The following ARHGEF28 variants were observed in gnomAD, a reference collection of about 807,000 sequenced individuals.
ARHGEF28 encodes the protein Rho guanine nucleotide exchange factor 28.
Under a neutral mutation model 206.6 loss-of-function variants are expected in ARHGEF28, and 152 were observed. That is an observed-to-expected ratio of 0.74 (90% confidence interval 0.64 to 0.84). ARHGEF28 has a LOEUF of 0.84. Among genes scored for constraint, ARHGEF28 ranks in the 40% least tolerant of loss-of-function variants. ARHGEF28 has a pLI of 0.00. For missense variants in ARHGEF28, 2,028 were observed against 2,073.2 expected, an observed-to-expected ratio of 0.98 and a Z score of 0.42; for synonymous variants, 763 against 776.4, an observed-to-expected ratio of 0.98 and a Z score of 0.29.
intron 1 of ARHGEF28, among the ~76,000 whole-genome samples, chr5:73,648,218 G>A (rs768773160): frequency 3.3e-5 from 5 of 152,074 alleles, no homozygotes; most frequent in Non-Finnish European, 7.3e-5. Context: ...GGAATATAAT[G>A]GCAGGTCTCT....
chr5:73,790,388 A>T (rs937155852), intron 7 of ARHGEF28, among the ~76,000 whole-genome samples: 1 of 152,186 alleles, frequency 6.6e-6, no homozygotes, highest in East Asian at 1.9e-4. Context: ...TTTAAAGAAG[A>T]TGTCTTAAAT....
chr5:73,792,930 A>G (rs921919690), intron 7 of ARHGEF28, among the ~76,000 whole-genome samples: 4 of 152,102 alleles, frequency 2.6e-5, no homozygotes, highest in African/African-American at 9.7e-5. Flanking sequence ...CTCTGCTGCC[A>G]CCTGGAGGCC....
At chr5:73,630,554 A>G (rs535820288) in intron 1 of ARHGEF28, among the ~76,000 whole-genome samples, 36 of 152,336 alleles carry the variant, frequency 2.4e-4, no homozygotes, top group South Asian at 2.3e-3. Flanking sequence ...TTTAAAAAGG[A>G]TAAAAGGGTA....
intron 2 of ARHGEF28, among the ~76,000 whole-genome samples, chr5:73,719,106 A>C (rs1373221165): frequency 6.6e-6 from 1 of 152,136 alleles, no homozygotes; most frequent in Admixed American, 6.5e-5. Context: ...CTCTCCTTGT[A>C]ATTCCCTGGT....
intron 1 of ARHGEF28, among the ~76,000 whole-genome samples, chr5:73,637,259 A>G (rs138703289): frequency 0.013 from 1,964 of 152,260 alleles, 16 homozygotes; most frequent in Non-Finnish European, 0.023. Flanking sequence ...AAGAACTTAT[A>G]TAATGGTTCC....
chr5:73,761,763 A>C (rs1343457971), intron 4 of ARHGEF28, among the ~76,000 whole-genome samples: 37 of 152,194 alleles, frequency 2.4e-4, no homozygotes, highest in Admixed American at 2.4e-3. Context: ...CATCAGGTCA[A>C]TATCTGGAGG....
chr5:73,774,656 A>G (rs1289463796), intron 5 of ARHGEF28, among the ~76,000 whole-genome samples: 2 of 152,206 alleles, frequency 1.3e-5, no homozygotes, highest in Non-Finnish European at 2.9e-5. Flanking sequence ...TCTCTGTGTT[A>G]ATGAGGGTAT....
At chr5:73,809,222 C>T (rs1379767494) in intron 9 of ARHGEF28, among the ~76,000 whole-genome samples, 1 of 150,848 alleles carries the variant, frequency 6.6e-6, no homozygotes, top group African/African-American at 2.5e-5. Context: ...AAACAAAACA[C>T]AAAAAACTGT....
At chr5:73,860,858 C>T (rs1366819167) in intron 16 of ARHGEF28, among the ~76,000 whole-genome samples, 1 of 152,206 alleles carries the variant, frequency 6.6e-6, no homozygotes, top group African/African-American at 2.4e-5. Context: ...GGCCCCCCTT[C>T]AGCCTCAGTT....
chr5:73,834,542 C>CTCTG (rs1455818141), intron 10 of ARHGEF28, among the ~76,000 whole-genome samples: 11 of 146,212 alleles, frequency 7.5e-5, no homozygotes, highest in African/African-American at 2.6e-4. Context: ...AATAATATTC[C>CTCTG]TGTGTGTGTG....
rs1757349193 is a variant in ARHGEF28 at position 73,832,354 on chromosome 5, C to T, written c.1041C>T (p.Ile347=). The stretch of plus-strand genomic sequence containing the variant: ...GTACTCTAGATCGCTCCTTCGATAT[C>T]CTAAAAAAATCCAAGCCGCCCTCGA... ...HSLDLDRSFD[I]LKKSKPPSTL... Residue 347 remains isoleucine, a synonymous_variant, in exon 10 of 36, where the codon ATC becomes ATT. Transcript: ENST00000513042. 6.2e-7 allele frequency: 1 copy of T among 1,612,572 alleles called. No homozygotes were observed. The highest frequency in any genetic ancestry group is 8.5e-7 in the Non-Finnish European group (1 of 1,179,340).
rs1284059633 is a variant in ARHGEF28, at chr5:73,873,052, AT to A, written c.2621del (p.Ile874ThrfsTer6). On this transcript the variant is annotated frameshift_variant, in exon 22 of 36. Coordinates refer to ENST00000513042, the MANE Select transcript of ARHGEF28 (RefSeq NM_001177693.2). LOFTEE classifies it high-confidence loss of function. ...HIQTLFIMSE[I>X]FRKGMKEELQ... The stretch of plus-strand genomic sequence containing the variant: ...CCAGACCCTGTTCATCATGTCTGAG[AT>A]CTTCAGGAAAGGCATGAAAGAGGAG... The A allele has an allele frequency of 6.2e-7, 1 of 1,613,654 alleles. No homozygotes were observed. The highest frequency in any genetic ancestry group is 1.3e-5 in the African/African-American group (1 of 74,926).
chr5:73,902,247 T>C (rs1188547944), intron 31 of ARHGEF28: 1 of 152,246 alleles, frequency 6.6e-6, no homozygotes, highest in Non-Finnish European at 1.5e-5. Context: ...AGGAATGTAA[T>C]ATTTTACTCC....
intron 1 of ARHGEF28, among the ~76,000 whole-genome samples, chr5:73,666,466 C>T (rs1014095820): frequency 6.6e-6 from 1 of 152,188 alleles, no homozygotes; most frequent in Non-Finnish European, 1.5e-5. Context: ...TTGGTGGCTC[C>T]ATTCCTGTGA....
At chr5:73,837,987 A>C (rs1040527174) in intron 10 of ARHGEF28, among the ~76,000 whole-genome samples, 21 of 152,018 alleles carry the variant, frequency 1.4e-4, no homozygotes, top group Non-Finnish European at 2.9e-4. Flanking sequence ...TGATCTGCCC[A>C]CCTTGGCCTC....
intron 9 of ARHGEF28, among the ~76,000 whole-genome samples, chr5:73,800,630 A>G (rs1561413080): frequency 6.6e-6 from 1 of 151,862 alleles, no homozygotes. Context: ...TTCATACCAA[A>G]AAAAACAAAA....
At chr5:73,715,761 G>C (rs985876318) in intron 2 of ARHGEF28, among the ~76,000 whole-genome samples, 1 of 152,186 alleles carries the variant, frequency 6.6e-6, no homozygotes, top group Non-Finnish European at 1.5e-5. Context: ...GTGATACGCT[G>C]TTCACTTGCA....
intron 1 of ARHGEF28, among the ~76,000 whole-genome samples, chr5:73,676,069 C>CTTTTTTTTTTTTTTTTTTT: frequency 8.7e-6 from 1 of 115,150 alleles, no homozygotes; most frequent in Non-Finnish European, 1.7e-5. Context: ...ATTTTCTTTT[C>CTTTTTTTTTTTTTTTTTTT]TTTTTTTTTT....
Position 73,886,064 on chromosome 5 carries a change from T to C in ARHGEF28, c.3270T>C (p.Asp1090=). 3 of 1,613,320 alleles carry C rather than the reference T, an allele frequency of 1.9e-6. No homozygotes were observed. The highest frequency in any genetic ancestry group is 2.5e-6 in the Non-Finnish European group (3 of 1,179,690). The change falls in exon 25 of 36, where the codon GAT becomes GAC. Residue 1090 remains aspartate, a synonymous_variant. Coordinates refer to ENST00000513042, the MANE Select transcript of ARHGEF28 (RefSeq NM_001177693.2). Reference sequence around the variant, plus strand: ...GTGAAGAAAGGACTCTGTTATATGATGGCCTTGTTTACTGGAAAACTGCTA... The same window carrying C: ...GTGAAGAAAGGACTCTGTTATATGACGGCCTTGTTTACTGGAAAACTGCTA... ...LMSEERTLLY[D]GLVYWKTATG...
Sources: gnomAD v4.1 joint callset for allele counts (sites outside exome capture counted in the v4.1 genomes callset) on GRCh38, gnomAD v4.1.1 for gene constraint, MANE v1.5 for transcripts, NCBI Gene and HGNC (gene_info 2026-07-23, HGNC 2026-07-21) for gene names.